The following CHL1 variants were observed in gnomAD, a reference collection of about 807,000 sequenced individuals.
CHL1 encodes neural cell adhesion molecule L1-like protein.
CHL1 carries 96 observed loss-of-function variants against 141.9 expected under a neutral mutation model. That is an observed-to-expected ratio of 0.68 (90% CI 0.57 to 0.80). The LOEUF (loss-of-function observed/expected upper bound fraction) is 0.80, where lower values mean the gene tolerates loss of function less well. Ranked by LOEUF, CHL1 falls within the 30% of genes least tolerant of loss-of-function variation. The probability of loss-of-function intolerance (pLI) is 0.00; values close to 1 mark genes in which losing one functional copy is unlikely to be tolerated. For missense variants in CHL1, 1,820 were observed against 1,457.2 expected, an observed-to-expected ratio of 1.25 and a Z score of -4.05; for synonymous variants, 613 against 502.2, an observed-to-expected ratio of 1.22 and a Z score of -2.95.
At chr3:273,563 T>G (rs1230268238) in intron 2 of CHL1, among the ~76,000 whole-genome samples, 1 of 152,192 alleles carries the variant, frequency 6.6e-6, no homozygotes, top group Non-Finnish European at 1.5e-5. Context: ...TGGAGCTATA[T>G]TTAATATATT....
rs755805594 is a variant in CHL1 at position 391,068 on chromosome 3, C to A, written c.2700C>A (p.Ala900=). 19 of 1,613,578 alleles carry A rather than the reference C, an allele frequency of 1.2e-5. No individual in the cohort carries two copies. The highest frequency in any genetic ancestry group is 1.5e-5 in the Non-Finnish European group (18 of 1,179,612). ...CTGGAATGGTTCCTTCCTTAGATGC[C>A]TTTAGTGAATTTCATTTAACAGTCT... ...RNSGMVPSLD[A]FSEFHLTVLA... The change falls in exon 22 of 28, where the codon GCC becomes GCA. Residue 900 remains alanine (A), a synonymous_variant. Transcript: ENST00000256509.
chr3:263,831 C>T (rs1241461761), intron 2 of CHL1, among the ~76,000 whole-genome samples: 2 of 152,180 alleles, frequency 1.3e-5, no homozygotes, highest in South Asian at 4.1e-4. Context: ...CATATTTTTG[C>T]ACTGTTCTTA....
At chr3:280,615 G>C (rs1190764135) in intron 2 of CHL1, among the ~76,000 whole-genome samples, 12 of 152,120 alleles carry the variant, frequency 7.9e-5, no homozygotes, top group Non-Finnish European at 1.8e-4. Flanking sequence ...ACTGTTTAAA[G>C]GGAGATGTTC....
chr3:203,180 T>A (rs1320662153), intron 1 of CHL1, among the ~76,000 whole-genome samples: 1 of 152,242 alleles, frequency 6.6e-6, no homozygotes, highest in Non-Finnish European at 1.5e-5. Flanking sequence ...GGCACCATAG[T>A]CTATATAGGA....
chr3:381,296 C>T (rs556503685), intron 16 of CHL1, among the ~76,000 whole-genome samples: 1 of 152,220 alleles, frequency 6.6e-6, no homozygotes, highest in African/African-American at 2.4e-5. Flanking sequence ...GACATGGGCC[C>T]AGAAAAGAAG....
At chr3:280,255 A>G (rs1164597326) in intron 2 of CHL1, among the ~76,000 whole-genome samples, 2 of 151,262 alleles carry the variant, frequency 1.3e-5, no homozygotes, top group African/African-American at 4.9e-5. Flanking sequence ...AAAATTTTGT[A>G]TCTAAAAGAA....
chr3:353,362 G>T (rs936135027), intron 10 of CHL1, among the ~76,000 whole-genome samples: 1 of 152,068 alleles, frequency 6.6e-6, no homozygotes, highest in Non-Finnish European at 1.5e-5. Context: ...CAGAAAAAAA[G>T]TAAGGATATC....
intron 5 of CHL1, among the ~76,000 whole-genome samples, chr3:329,771 A>G (rs1701296138): frequency 6.6e-6 from 1 of 152,036 alleles, no homozygotes; most frequent in Non-Finnish European, 1.5e-5. Flanking sequence ...AAGATATCCC[A>G]GACAAATGCT....
At chr3:322,635 A>G (rs976360837) in intron 3 of CHL1, among the ~76,000 whole-genome samples, 2 of 111,258 alleles carry the variant, frequency 1.8e-5, no homozygotes, top group Non-Finnish European at 1.7e-5. Flanking sequence ...TAAATTATAT[A>G]TATATATAAA....
chr3:222,330 T>A (rs561177640), intron 1 of CHL1, among the ~76,000 whole-genome samples: 2 of 152,244 alleles, frequency 1.3e-5, no homozygotes, highest in South Asian at 4.1e-4. Flanking sequence ...CTGTTGGAGC[T>A]CAGGGGAAGC....
At position 408,344 on chromosome 3, in the gene CHL1, T is replaced by C. The variant is rs1709660315; in HGVS notation, c.*2633T>C. On this transcript the variant is annotated 3_prime_UTR_variant, in exon 28 of 28. Coordinates refer to ENST00000256509, the MANE Select transcript of CHL1 (RefSeq NM_006614.4). ...TCAAGAATGGTTGGTGGGCATGAGT[T>C]CCTAGAGAACTGTCCAAGGGTTGGG... is the stretch of plus-strand genomic sequence containing the variant. The C allele has an allele frequency of 6.6e-6, 1 of 152,102 alleles. No homozygotes were observed. Among genetic ancestry groups the C allele is most frequent in the Non-Finnish European group, 1.5e-5 (1 of 67,998 alleles). 9.4% of individuals were successfully genotyped at this position (152,102 alleles called of 1,614,324 possible).
chr3:255,522 C>G (rs1191425591), intron 2 of CHL1, among the ~76,000 whole-genome samples: 4 of 151,816 alleles, frequency 2.6e-5, no homozygotes, highest in African/African-American at 9.7e-5. Flanking sequence ...TGTATACATA[C>G]ATACACACTA....
At chr3:303,829 T>G (rs957337627) in intron 2 of CHL1, among the ~76,000 whole-genome samples, 3 of 152,208 alleles carry the variant, frequency 2.0e-5, no homozygotes, top group African/African-American at 7.2e-5. Context: ...GCTTCCAGTT[T>G]TTGCCCATTC....
At chr3:271,885 A>G (rs1226636217) in intron 2 of CHL1, among the ~76,000 whole-genome samples, 3 of 152,216 alleles carry the variant, frequency 2.0e-5, no homozygotes, top group Admixed American at 1.3e-4. Flanking sequence ...GTCATCTTTC[A>G]TGTTAAGTGG....
At chr3:356,743 G>A (rs776679637) in intron 11 of CHL1, among the ~76,000 whole-genome samples, 7 of 152,276 alleles carry the variant, frequency 4.6e-5, no homozygotes, top group Non-Finnish European at 1.0e-4. Context: ...GAAAAGAGGT[G>A]AGTGTGACTG....
rs145758271 is a variant in CHL1, at chr3:396,434, A to G, written c.3094+1562A>G. Reference sequence around the variant, plus strand: ...TGAAATGCTGATCCCATTCTTACCAATTGGAAGCACATGAGAAAAAATATT... The same window carrying G: ...TGAAATGCTGATCCCATTCTTACCAGTTGGAAGCACATGAGAAAAAATATT... On this transcript the variant is annotated intron_variant, in intron 24 of 27. Transcript: ENST00000256509. 7.7e-3 allele frequency among the ~76,000 whole-genome samples: 1,170 copies of G among 152,284 alleles called. 9 individuals carry two copies. Among genetic ancestry groups the G allele is most frequent in the Non-Finnish European group, 0.013 (859 of 68,006 alleles).
Position 238,770 on chromosome 3 carries a change from C to CA in CHL1, c.-174-5829dup, listed in dbSNP as rs145162673. On this transcript the variant is annotated intron_variant, in intron 1 of 27. Transcript: ENST00000256509. ...TGAAACCCCGTCTCTACTAAAAATACAAAAAAAAAAAAAATAGCTGGATGT... is the reference window on the plus strand; with the variant it reads ...TGAAACCCCGTCTCTACTAAAAATACAAAAAAAAAAAAAAATAGCTGGATGT... 7.8e-3 allele frequency among the ~76,000 whole-genome samples: 1,138 copies of CA among 145,520 alleles called. 10 individuals are homozygous for CA. The highest frequency in any genetic ancestry group is 0.023 in the African/African-American group (872 of 38,610).
At chr3:299,949 A>G (rs1333829628) in intron 2 of CHL1, among the ~76,000 whole-genome samples, 1 of 152,204 alleles carries the variant, frequency 6.6e-6, no homozygotes, top group Non-Finnish European at 1.5e-5. Flanking sequence ...CCTCTTCAAC[A>G]GGAAGTTGTT....
chr3:382,936 A>G (rs137892967), intron 18 of CHL1, among the ~76,000 whole-genome samples: 16 of 152,344 alleles, frequency 1.1e-4, no homozygotes, highest in Non-Finnish European at 1.2e-4. Flanking sequence ...CTAAATATCA[A>G]GTTTAACCAG....
Sources: allele counts gnomAD v4.1 joint callset (sites outside exome capture counted in the v4.1 genomes callset), GRCh38; gene constraint gnomAD v4.1.1; transcripts MANE v1.5; gene names NCBI Gene and HGNC (gene_info 2026-07-23, HGNC 2026-07-21).